Variants in SGCZ observed in about 807,000 individuals in gnomAD.
SGCZ encodes the protein zeta-sarcoglycan.
In SGCZ, 40 loss-of-function variants were observed where a neutral mutation model predicts 41.3. The observed-to-expected ratio is 0.97, with a 90% CI of 0.75 to 1.26. SGCZ has a LOEUF of 1.26. Ranked by LOEUF, SGCZ falls within the 50% of genes most tolerant of loss-of-function variation. The probability of loss-of-function intolerance (pLI) is 0.00; values close to 1 mark genes in which losing one functional copy is unlikely to be tolerated. For missense variants in SGCZ, 552 were observed against 369.8 expected, an observed-to-expected ratio of 1.49 and a Z score of -4.04; for synonymous variants, 206 against 137.5, an observed-to-expected ratio of 1.50 and a Z score of -3.49.
chr8:15,172,149 ACT>A (rs1263936833), intron 1 of SGCZ, among the ~76,000 whole-genome samples: 1 of 69,172 alleles, frequency 1.4e-5, no homozygotes, highest in Non-Finnish European at 3.1e-5. Context: ...TGCCTTTTAT[ACT>A]CTGTTTTTTT....
intron 2 of SGCZ, among the ~76,000 whole-genome samples, chr8:14,552,081 G>A (rs978774916): frequency 3.9e-5 from 5 of 126,964 alleles, no homozygotes; most frequent in African/African-American, 8.8e-5. Context: ...CCAAACAACT[G>A]ACGCATGATT....
intron 1 of SGCZ, among the ~76,000 whole-genome samples, chr8:14,712,481 AGCCAGTAGG>A (rs111463842): frequency 7.2e-5 from 11 of 152,234 alleles, no homozygotes; most frequent in African/African-American, 2.7e-4. Flanking sequence ...GACTGTCATT[AGCCAGTAGG>A]GCAGTTATGT....
In SGCZ at chr8:14,398,083, T is replaced by A. The variant is rs147927458; in HGVS notation, c.235-73879A>T. On this transcript the variant is annotated intron_variant, in intron 2 of 7. Transcript: ENST00000382080. Reference sequence around the variant, plus strand: ...TTGACATCAACTCAAGGGACCCTTTTTGTGACCCTCAATTGACATCAAGTA... The same window carrying A: ...TTGACATCAACTCAAGGGACCCTTTATGTGACCCTCAATTGACATCAAGTA... 3.1e-3 allele frequency among the ~76,000 whole-genome samples: 469 copies of A among 152,198 alleles called. 1 individual carries two copies. Among genetic ancestry groups the A allele is most frequent in the Middle Eastern group, 6.8e-3 (2 of 294 alleles).
intron 1 of SGCZ, among the ~76,000 whole-genome samples, chr8:15,223,701 C>T (rs1378185231): frequency 6.6e-6 from 1 of 152,106 alleles, no homozygotes; most frequent in Non-Finnish European, 1.5e-5. Flanking sequence ...AAAACATAGA[C>T]AATCCATAAT....
chr8:15,211,011 C>A (rs4102391), intron 1 of SGCZ, among the ~76,000 whole-genome samples: 118,313 of 150,310 alleles, frequency 0.79, 46,959 homozygotes, highest in Non-Finnish European at 0.83. Context: ...TTCTCTCTCT[C>A]TATATATAGA....
At chr8:15,213,743 C>A (rs1801310487) in intron 1 of SGCZ, among the ~76,000 whole-genome samples, 1 of 151,604 alleles carries the variant, frequency 6.6e-6, no homozygotes, top group Admixed American at 6.6e-5. Flanking sequence ...TTAACTTATC[C>A]TTCTACTAGA....
At chr8:14,319,060 G>C (rs1801826521) in intron 3 of SGCZ, among the ~76,000 whole-genome samples, 1 of 151,864 alleles carries the variant, frequency 6.6e-6, no homozygotes, top group South Asian at 2.1e-4. Flanking sequence ...CATATAAAGA[G>C]TTAAAAATTA....
At chr8:15,074,933 C>T (rs1805476055) in intron 1 of SGCZ, among the ~76,000 whole-genome samples, 1 of 152,122 alleles carries the variant, frequency 6.6e-6, no homozygotes, top group Admixed American at 6.5e-5. Context: ...TCCCTTACTG[C>T]TATATCTCAG....
rs1013986372 is a variant in SGCZ, at chr8:14,938,866, T to A, written c.39+298719A>T. Among the ~76,000 whole-genome samples, 5 of 152,244 alleles carry A rather than the reference T, an allele frequency of 3.3e-5. No individual in the cohort carries two copies. The East Asian group carries it at 9.7e-4, about 29-fold the overall frequency. ...CATTACAGATGCAACCTCCCATTTT[T>A]TTCCAAGTATTTTTGTATCCGCAGT... On this transcript the variant is annotated intron_variant, in intron 1 of 7. Coordinates refer to ENST00000382080, the MANE Select transcript of SGCZ (RefSeq NM_139167.4).
chr8:14,442,115 G>C (rs548843222), intron 2 of SGCZ, among the ~76,000 whole-genome samples: 1 of 152,150 alleles, frequency 6.6e-6, no homozygotes, highest in Non-Finnish European at 1.5e-5. Flanking sequence ...TGAGATCACT[G>C]AAACTTCATA....
At chr8:14,138,270 A>G (rs1803262594) in intron 5 of SGCZ, among the ~76,000 whole-genome samples, 1 of 152,212 alleles carries the variant, frequency 6.6e-6, no homozygotes, top group African/African-American at 2.4e-5. Context: ...AAACTGCATC[A>G]ACTAACGAGC....
At chr8:14,817,028 A>G (rs1299879675) in intron 1 of SGCZ, among the ~76,000 whole-genome samples, 1 of 152,166 alleles carries the variant, frequency 6.6e-6, no homozygotes, top group Non-Finnish European at 1.5e-5. Context: ...TCCTCAAATC[A>G]CATTAAAAGT....
intron 3 of SGCZ, among the ~76,000 whole-genome samples, chr8:14,314,286 AT>A (rs36000069): frequency 9.9e-5 from 15 of 151,718 alleles, no homozygotes; most frequent in East Asian, 1.9e-4. Flanking sequence ...TCATAGTATT[AT>A]TTTTTTTCCC....
chr8:14,473,654 G>C (rs536311426), intron 2 of SGCZ, among the ~76,000 whole-genome samples: 1 of 152,130 alleles, frequency 6.6e-6, no homozygotes, highest in South Asian at 2.1e-4. Context: ...AAATGAAAAA[G>C]CGGCCGGGCG....
intron 1 of SGCZ, among the ~76,000 whole-genome samples, chr8:15,078,069 G>A (rs968143160): frequency 6.6e-6 from 1 of 151,754 alleles, no homozygotes; most frequent in Non-Finnish European, 1.5e-5. Context: ...TACGTGGGAG[G>A]AGGAGCCTGT....
intron 3 of SGCZ, among the ~76,000 whole-genome samples, chr8:14,271,319 C>G (rs1216245820): frequency 1.3e-5 from 2 of 151,988 alleles, no homozygotes. Flanking sequence ...ATAATTCAGC[C>G]TAAAAACTTT....
intron 1 of SGCZ, among the ~76,000 whole-genome samples, chr8:15,204,252 A>G (rs79428458): frequency 0.054 from 8,284 of 152,254 alleles, 255 homozygotes; most frequent in South Asian, 0.074. Flanking sequence ...ACAGTACACA[A>G]TCAATACATT....
At chr8:14,540,289 AAT>A (rs1803424266) in intron 2 of SGCZ, among the ~76,000 whole-genome samples, 1 of 113,190 alleles carries the variant, frequency 8.8e-6, no homozygotes, top group Non-Finnish European at 1.8e-5. Context: ...AATTATTATC[AAT>A]CTCTGTCTTG....
intron 2 of SGCZ, among the ~76,000 whole-genome samples, chr8:14,392,009 G>A (rs9693161): frequency 0.17 from 25,449 of 151,844 alleles, 4,985 homozygotes; most frequent in African/African-American, 0.48. Flanking sequence ...TCCAGCAATG[G>A]GGATTACAAT....
Sources: gnomAD v4.1 joint callset for allele counts (sites outside exome capture counted in the v4.1 genomes callset) on GRCh38, gnomAD v4.1.1 for gene constraint, MANE v1.5 for transcripts, NCBI Gene and HGNC (gene_info 2026-07-23, HGNC 2026-07-21) for gene names.